The following ARHGAP42 variants were observed in gnomAD, a reference collection of about 807,000 sequenced individuals.
ARHGAP42 encodes the protein Rho GTPase activating protein 42.
Under a neutral mutation model 125.0 loss-of-function variants are expected in ARHGAP42, and 63 were observed. That is an observed-to-expected ratio of 0.50 (90% confidence interval 0.41 to 0.62). The LOEUF is 0.62. Ranked by LOEUF, ARHGAP42 falls within the 20% of genes least tolerant of loss-of-function variation. ARHGAP42 has a pLI of 0.00. For missense variants in ARHGAP42, 766 were observed against 1,024.2 expected (o/e 0.75, Z 3.44); for synonymous variants, 339 against 351.0 (o/e 0.97, Z 0.38).
At chr11:100,718,615 T>C (rs758850080) in intron 1 of ARHGAP42, among the ~76,000 whole-genome samples, 7 of 152,162 alleles carry the variant, frequency 4.6e-5, no homozygotes, top group Non-Finnish European at 8.8e-5. Context: ...GAAATGGATT[T>C]CAAATGGTAA....
At chr11:100,877,089 G>A (rs1865838919) in intron 4 of ARHGAP42, among the ~76,000 whole-genome samples, 1 of 152,118 alleles carries the variant, frequency 6.6e-6, no homozygotes, top group Non-Finnish European at 1.5e-5. Context: ...TGGTAATACT[G>A]GTGAGCTCAT....
intron 4 of ARHGAP42, among the ~76,000 whole-genome samples, chr11:100,907,363 C>T (rs536699201): frequency 2.8e-4 from 43 of 152,300 alleles, no homozygotes; most frequent in African/African-American, 9.4e-4. Context: ...CTTGTAAATG[C>T]GAATGTGAAT....
intron 12 of ARHGAP42, among the ~76,000 whole-genome samples, chr11:100,953,152 A>G (rs1857710318): frequency 6.6e-6 from 1 of 151,708 alleles, no homozygotes; most frequent in South Asian, 2.1e-4. Flanking sequence ...TTTTTAGTTG[A>G]TATTTGACTC....
chr11:100,874,907 T>G (rs1470799450), intron 4 of ARHGAP42, among the ~76,000 whole-genome samples: 3 of 152,146 alleles, frequency 2.0e-5, no homozygotes, highest in African/African-American at 7.2e-5. Flanking sequence ...ACTTACCAGC[T>G]CAAAGCACGT....
At chr11:100,886,154 C>T (rs921623835) in intron 4 of ARHGAP42, among the ~76,000 whole-genome samples, 6 of 152,198 alleles carry the variant, frequency 3.9e-5, no homozygotes, top group African/African-American at 1.2e-4. Flanking sequence ...ATAGCTATCT[C>T]TTTAGATTTC....
At chr11:100,688,572 C>T (rs2120158548) in intron 1 of ARHGAP42, among the ~76,000 whole-genome samples, 1 of 152,296 alleles carries the variant, frequency 6.6e-6, no homozygotes, top group African/African-American at 2.4e-5. Context: ...ATCAAATTTT[C>T]CTTCCTCCTT....
At chr11:100,868,811 T>A (rs1865635300) in intron 4 of ARHGAP42, among the ~76,000 whole-genome samples, 1 of 152,114 alleles carries the variant, frequency 6.6e-6, no homozygotes. Context: ...TTTCCCCATA[T>A]GAAAAATGGA....
intron 4 of ARHGAP42, among the ~76,000 whole-genome samples, chr11:100,900,600 T>C (rs1866517831): frequency 6.6e-6 from 1 of 152,080 alleles, no homozygotes; most frequent in African/African-American, 2.4e-5. Flanking sequence ...GGAGGCTTTG[T>C]TCATTTCTTT....
chr11:100,772,158 A>G (rs561273962), intron 2 of ARHGAP42, among the ~76,000 whole-genome samples: 1 of 152,138 alleles, frequency 6.6e-6, no homozygotes, highest in East Asian at 1.9e-4. Context: ...CTTAGCACAG[A>G]CCTCGCTGTG....
At chr11:100,777,315 G>T (rs1265567155) in intron 2 of ARHGAP42, among the ~76,000 whole-genome samples, 1 of 152,214 alleles carries the variant, frequency 6.6e-6, no homozygotes, top group Non-Finnish European at 1.5e-5. Context: ...GTGTGCATCA[G>T]TGGGTTACTG....
intron 8 of ARHGAP42, among the ~76,000 whole-genome samples, chr11:100,936,842 G>T (rs1867751059): frequency 6.6e-6 from 1 of 152,118 alleles, no homozygotes; most frequent in African/African-American, 2.4e-5. Context: ...TCACACTAAG[G>T]ACATTTTTCT....
At chr11:100,898,428 C>CT (rs1365055940) in intron 4 of ARHGAP42, among the ~76,000 whole-genome samples, 1 of 152,116 alleles carries the variant, frequency 6.6e-6, no homozygotes, top group Non-Finnish European at 1.5e-5. Context: ...ACCAGCTCCC[C>CT]TTTGTACCTC....
intron 3 of ARHGAP42, chr11:100,839,568 G>T (rs1178254429): frequency 1.3e-5 from 2 of 152,204 alleles, no homozygotes; most frequent in Non-Finnish European, 2.9e-5. Context: ...GGATACCACT[G>T]CAGTAAAGAG....
At chr11:100,811,492 G>T (rs1451349425) in intron 3 of ARHGAP42, among the ~76,000 whole-genome samples, 1 of 143,214 alleles carries the variant, frequency 7.0e-6, no homozygotes, top group Non-Finnish European at 1.5e-5. Context: ...TGCCTCGAAT[G>T]TCTTGACTTT....
intron 10 of ARHGAP42, among the ~76,000 whole-genome samples, chr11:100,946,911 A>G (rs1311148645): frequency 6.6e-6 from 1 of 151,884 alleles, no homozygotes; most frequent in East Asian, 1.9e-4. Flanking sequence ...TTAAAAATGC[A>G]GTATCTGCAA....
intron 4 of ARHGAP42, among the ~76,000 whole-genome samples, chr11:100,912,295 C>T (rs11607632): frequency 0.15 from 22,380 of 152,020 alleles, 1,990 homozygotes; most frequent in African/African-American, 0.24. Flanking sequence ...ACCACCCATC[C>T]GTCTGTGCAT....
intron 1 of ARHGAP42, among the ~76,000 whole-genome samples, chr11:100,759,013 G>C (rs1862639757): frequency 6.6e-6 from 1 of 152,002 alleles, no homozygotes; most frequent in Non-Finnish European, 1.5e-5. Flanking sequence ...TTGTTTGTTT[G>C]TTTGTTTTTT....
chr11:100,917,484 C>A lies in ARHGAP42; in HGVS notation c.486+3931C>A, dbSNP rs79185620. Among the ~76,000 whole-genome samples, 21 of 152,246 alleles carry A rather than the reference C, an allele frequency of 1.4e-4. 1 individual carries two copies. In the East Asian group the frequency reaches 3.7e-3, roughly 27 times the overall value. On this transcript the variant is annotated intron_variant, in intron 5 of 23. Transcript: ENST00000298815. ...ACCAATTCCTAGTGATATGTGAAATCTTGCACCTCACCCTCTTTTCCCAAA... is the reference window on the plus strand; with the variant it reads ...ACCAATTCCTAGTGATATGTGAAATATTGCACCTCACCCTCTTTTCCCAAA...
At chr11:100,743,185 G>T (rs1862224740) in intron 1 of ARHGAP42, among the ~76,000 whole-genome samples, 1 of 152,088 alleles carries the variant, frequency 6.6e-6, no homozygotes, top group Admixed American at 6.5e-5. Flanking sequence ...CTTTCAAGAG[G>T]TTCTATTCTG....
Sources: allele counts gnomAD v4.1 joint callset (sites outside exome capture counted in the v4.1 genomes callset), GRCh38; gene constraint gnomAD v4.1.1; transcripts MANE v1.5; gene names NCBI Gene and HGNC (gene_info 2026-07-23, HGNC 2026-07-21).